Variants in AIM2 observed in about 807,000 individuals in gnomAD.
The protein encoded by AIM2 is absent in melanoma 2.
Under a neutral mutation model 27.7 loss-of-function variants are expected in AIM2, and 30 were observed. That is an observed-to-expected ratio of 1.08 (90% CI 0.81 to 1.47). The LOEUF (loss-of-function observed/expected upper bound fraction) is 1.47, where lower values mean the gene tolerates loss of function less well. Among genes scored for constraint, AIM2 ranks in the 40% most tolerant of loss-of-function variants. AIM2 has a pLI of 0.00. For synonymous variants in AIM2, 141 were observed against 145.3 expected (o/e 0.97, Z 0.21); for missense variants, 358 against 411.3 (o/e 0.87, Z 1.12).
chr1:159,131,423 GAAGT>G (rs1432711935), intron 1 of AIM2, among the ~76,000 whole-genome samples: 1 of 152,122 alleles, frequency 6.6e-6, no homozygotes, highest in African/African-American at 2.4e-5. Context: ...AATTACAGGA[GAAGT>G]AATTAGAATA....
chr1:159,106,373 T>C (rs1355596618), intron 1 of AIM2, among the ~76,000 whole-genome samples: 1 of 152,238 alleles, frequency 6.6e-6, no homozygotes, highest in Non-Finnish European at 1.5e-5. Flanking sequence ...TCCGCTGCTA[T>C]CACATGTAAG....
intron 1 of AIM2, among the ~76,000 whole-genome samples, chr1:159,120,122 C>A (rs773510128): frequency 5.9e-5 from 9 of 151,906 alleles, no homozygotes; most frequent in Admixed American, 1.3e-4. Flanking sequence ...AACACTGGAT[C>A]CTGATGTTAT....
intron 1 of AIM2, among the ~76,000 whole-genome samples, chr1:159,132,680 C>A (rs937497267): frequency 5.3e-5 from 8 of 152,248 alleles, no homozygotes; most frequent in Non-Finnish European, 1.0e-4. Context: ...AATAGAGTAA[C>A]ACCCTGTATT....
chr1:159,068,758 AT>A, intron 2 of AIM2, 57 bp from the exon 3 acceptor site: 1 of 1,520,376 alleles, frequency 6.6e-7, no homozygotes, highest in Non-Finnish European at 8.9e-7. Context: ...AGCAGTGCAC[AT>A]TTTCAAATGT....
chr1:159,127,089 A>G (rs1647714632), intron 1 of AIM2, among the ~76,000 whole-genome samples: 1 of 152,210 alleles, frequency 6.6e-6, no homozygotes, highest in Non-Finnish European at 1.5e-5. Context: ...TAAACAAGCC[A>G]GGGGATGATT....
chr1:159,077,637 C>T (rs149588603), upstream of AIM2, among the ~76,000 whole-genome samples: 980 of 152,210 alleles, frequency 6.4e-3, 11 homozygotes, highest in African/African-American at 0.022. Context: ...CCTTTTTGAC[C>T]GCATTTTTAT....
intron 1 of AIM2, among the ~76,000 whole-genome samples, chr1:159,094,995 C>T (rs549942463): frequency 4.1e-4 from 63 of 152,060 alleles, no homozygotes; most frequent in African/African-American, 1.3e-3. Context: ...GTTACAAAAG[C>T]GGGCAATTTA....
chr1:159,060,747 A>C (rs1162240583), downstream of AIM2, among the ~76,000 whole-genome samples: 1 of 152,206 alleles, frequency 6.6e-6, no homozygotes, highest in Non-Finnish European at 1.5e-5. Context: ...TGCAGAGTAC[A>C]ATTCAATTAT....
chr1:159,081,310 A>G, upstream of AIM2: 1 of 220,640 alleles, frequency 4.5e-6, no homozygotes, highest in Non-Finnish European at 9.6e-6. Flanking sequence ...AAGAAATAAA[A>G]TCTGTTGACC....
chr1:159,142,457 G>A (rs1332115185), upstream of AIM2, among the ~76,000 whole-genome samples: 7 of 152,156 alleles, frequency 4.6e-5, no homozygotes, highest in Non-Finnish European at 1.0e-4. Flanking sequence ...GTACACATAG[G>A]GTTGGAGGGT....
downstream of AIM2, among the ~76,000 whole-genome samples, chr1:159,060,097 C>G (rs1655783658): frequency 6.6e-6 from 1 of 152,138 alleles, no homozygotes; most frequent in African/African-American, 2.4e-5. Flanking sequence ...AGGTTAAATA[C>G]CTATATGTGG....
chr1:159,116,007 C>T (rs1647337470), intron 1 of AIM2, among the ~76,000 whole-genome samples: 1 of 152,120 alleles, frequency 6.6e-6, no homozygotes, highest in African/African-American at 2.4e-5. Context: ...ACAACCCCAT[C>T]AATAAGTGGA....
intron 1 of AIM2, among the ~76,000 whole-genome samples, chr1:159,117,560 TA>T (rs1647410390): frequency 6.6e-6 from 1 of 152,164 alleles, no homozygotes; most frequent in Non-Finnish European, 1.5e-5. Context: ...CTCTTTCTCC[TA>T]AATTAGTGGA....
chr1:159,093,040 A>AAAATAAATAAAT lies in AIM2; in HGVS notation c.-15-26723_-15-26712dup, dbSNP rs57238902. On this transcript the variant is annotated intron_variant, in intron 1 of 2. Transcript: ENST00000368129. Reference sequence around the variant, plus strand: ...CGCTCCGTCTCAAAATAAATAAATAAAAATAAATAAATAAATAAATAAATA... The same window carrying AAAATAAATAAAT: ...CGCTCCGTCTCAAAATAAATAAATAAAAATAAATAAATAAATAAATAAATAAATAAATAAATA... 5.5e-3 allele frequency among the ~76,000 whole-genome samples: 817 copies of AAAATAAATAAAT among 147,286 alleles called. 14 individuals are homozygous for AAAATAAATAAAT. The highest frequency in any genetic ancestry group is 0.05 in the South Asian group (235 of 4,670).
intron 1 of AIM2, among the ~76,000 whole-genome samples, chr1:159,084,812 C>CACAT (rs1553216769): frequency 1.5e-4 from 22 of 143,640 alleles, no homozygotes; most frequent in African/African-American, 5.5e-4. Flanking sequence ...CACACACACA[C>CACAT]ACATACAGAC....
At chr1:159,126,509 T>C (rs985029806) in intron 1 of AIM2, among the ~76,000 whole-genome samples, 11 of 151,432 alleles carry the variant, frequency 7.3e-5, no homozygotes, top group Middle Eastern at 3.4e-3. Flanking sequence ...ATTAGCTGGG[T>C]ATGGTGGCGG....
chr1:159,076,554 G>A (rs1446555103), intron 1 of AIM2, 79 bp downstream of exon 1: 4 of 152,232 alleles, frequency 2.6e-5, no homozygotes, highest in Non-Finnish European at 4.4e-5. Context: ...CAGCATGGCT[G>A]GCCTTTCCTC....
At chr1:159,142,547 A>G (rs1266218501), upstream of AIM2, among the ~76,000 whole-genome samples, 1 of 152,068 alleles carries the variant, frequency 6.6e-6, no homozygotes, top group Admixed American at 6.5e-5. Flanking sequence ...CTCAGCCCGG[A>G]ATCCCTGACA....
intron 1 of AIM2, among the ~76,000 whole-genome samples, chr1:159,094,371 T>C (rs1657122737): frequency 6.6e-6 from 1 of 152,210 alleles, no homozygotes; most frequent in Non-Finnish European, 1.5e-5. Flanking sequence ...AACATGTGCT[T>C]AAAAGTATTC....
Sources: allele counts gnomAD v4.1 joint callset (sites outside exome capture counted in the v4.1 genomes callset), GRCh38; gene constraint gnomAD v4.1.1; transcripts MANE v1.5; gene names NCBI Gene and HGNC (gene_info 2026-07-23, HGNC 2026-07-21).